Variants in ZNF316 observed in about 807,000 individuals in gnomAD.
The protein encoded by ZNF316 is zinc finger protein 316.
ZNF316 carries 23 observed loss-of-function variants against 75.6 expected under a neutral mutation model. The observed-to-expected ratio is 0.30, with a 90% CI of 0.22 to 0.43. ZNF316 has a LOEUF of 0.43. ZNF316 is among the 20% of genes least tolerant of loss of function. ZNF316 has a pLI of 1.00. For synonymous variants in ZNF316, 827 were observed against 666.2 expected, an observed-to-expected ratio of 1.24 and a Z score of -3.72; for missense variants, 1,266 against 1,409.4, an observed-to-expected ratio of 0.90 and a Z score of 1.63.
chr7:6,646,416 T>C (rs1406184954), intron 8 of ZNF316, among the ~76,000 whole-genome samples: 1 of 152,196 alleles, frequency 6.6e-6, no homozygotes, highest in Non-Finnish European at 1.5e-5. Flanking sequence ...GCTCCTGTTC[T>C]CTGTGCCTCC....
At chr7:6,647,273 G>T (rs552351213) in intron 8 of ZNF316, among the ~76,000 whole-genome samples, 1 of 152,142 alleles carries the variant, frequency 6.6e-6, no homozygotes, top group South Asian at 2.1e-4. Flanking sequence ...AGACCTGGCA[G>T]CCTGGCCAAG....
At position 6,652,036 on chromosome 7, in the gene ZNF316, C is replaced by T. The variant is rs569891457; in HGVS notation, c.707-267C>T. On this transcript the variant is annotated intron_variant, in intron 8 of 8. Coordinates refer to ENST00000382252, the MANE Select transcript of ZNF316 (RefSeq NM_001278559.2). ...CTGGAAGAGATGTTGGACGGGAGCCCTGGCTTTCCTGGGAGGGACAGTTTC... is the reference window on the plus strand; with the variant it reads ...CTGGAAGAGATGTTGGACGGGAGCCTTGGCTTTCCTGGGAGGGACAGTTTC... Among the ~76,000 whole-genome samples, 354 of 152,312 alleles carry T rather than the reference C, an allele frequency of 2.3e-3. 1 individual carries two copies. Among genetic ancestry groups the T allele is most frequent in the Non-Finnish European group, 3.6e-3 (246 of 68,016 alleles).
At chr7:6,650,508 C>T (rs942988081) in intron 8 of ZNF316, among the ~76,000 whole-genome samples, 9 of 152,130 alleles carry the variant, frequency 5.9e-5, no homozygotes, top group Non-Finnish European at 1.0e-4. Context: ...TGTTTTCCTG[C>T]GGCTCTAGGT....
Position 6,643,949 on chromosome 7 carries a change from G to T in ZNF316, c.592+1G>T. ...AACTATGGGATTCTCGTGTCCTTGG[G>T]TAAGGACGGGACCTTTTGTCCCCAA... On this transcript the variant is annotated splice_donor_variant, in intron 7 of 8. Coordinates refer to ENST00000382252, the MANE Select transcript of ZNF316 (RefSeq NM_001278559.2). LOFTEE classifies it high-confidence loss of function. 2 of 1,232,598 alleles carry T rather than the reference G, an allele frequency of 1.6e-6. No individual in the cohort carries two copies. The highest frequency in any genetic ancestry group is 2.0e-6 in the Non-Finnish European group (2 of 988,238). The allele number at this position is 1,232,598 out of a possible 1,614,324, so 76.4% of individuals were successfully genotyped here.
rs1336693556 is a variant in ZNF316 at position 6,654,568 on chromosome 7, C to T, written c.2972C>T (p.Ala991Val). The stretch of plus-strand genomic sequence containing the variant: ...AGCTTCGGCTCCGAGCACCAGGCCG[C>T]GTTCGCCGGGCCCTCGGGCGCCTAC... Reference protein sequence around the residue: ...GTSFGSEHQAAFAGPSGAYRE... With the variant: ...GTSFGSEHQAVFAGPSGAYRE... The change falls in exon 9 of 9, where the codon GCG becomes GTG. Residue 991 changes from alanine to valine, a missense_variant. Physicochemically the swap from Ala to Val is moderately conservative, Grantham distance 64. Coordinates refer to ENST00000382252, the MANE Select transcript of ZNF316 (RefSeq NM_001278559.2). The T allele has an allele frequency of 1.7e-6, 2 of 1,187,766 alleles. No individual in the cohort carries two copies. Among genetic ancestry groups the T allele is most frequent in the Non-Finnish European group, 2.1e-6 (2 of 959,826 alleles). The allele number at this position is 1,187,766 out of a possible 1,614,324, so 73.6% of individuals were successfully genotyped here.
At chr7:6,648,615 GA>G (rs1779451096) in intron 8 of ZNF316, among the ~76,000 whole-genome samples, 1 of 152,208 alleles carries the variant, frequency 6.6e-6, no homozygotes, top group African/African-American at 2.4e-5. Flanking sequence ...TTACAGATGG[GA>G]AAACTCAGAT....
intron 8 of ZNF316, among the ~76,000 whole-genome samples, chr7:6,646,175 G>A (rs972682877): frequency 1.2e-4 from 18 of 152,172 alleles, no homozygotes; most frequent in African/African-American, 3.9e-4. Flanking sequence ...AACTATCATT[G>A]AGGCCTGCCA....
Position 6,642,993 on chromosome 7 carries a change from C to T in ZNF316, c.385C>T (p.Pro129Ser). ...GCAGGCCTCCCGGGCTCCAGCCACT[C>T]CTAGGGATGAGGACCTGGAGGAGGA... ...GLQASRAPAT[P>S]RDEDLEEEEE... Residue 129 changes from proline to serine, a missense_variant, in exon 6 of 9, where the codon CCT becomes TCT. By Grantham distance (74) the Pro-to-Ser change is moderately conservative. Around this residue, in one of 3 missense-constraint regions of ZNF316, gnomAD observed 961 missense variants for 990.9 expected, o/e 0.97. Coordinates refer to ENST00000382252, the MANE Select transcript of ZNF316 (RefSeq NM_001278559.2). The surrounding 1 kb of genome is among the most constrained non-coding windows in gnomAD (Gnocchi z 8.1). The T allele has an allele frequency of 2.4e-6, 3 of 1,231,806 alleles. No homozygotes were observed. The highest frequency in any genetic ancestry group is 3.0e-6 in the Non-Finnish European group (3 of 988,106). 76.3% of individuals were successfully genotyped at this position (1,231,806 alleles called of 1,614,324 possible). A position where few individuals can be genotyped will look rare whatever the true frequency, so the allele number is the denominator to read the frequency against.
Position 6,643,957 on chromosome 7 carries a change from G to C in ZNF316, c.592+9G>C. On this transcript the variant is annotated intron_variant, in intron 7 of 8. Transcript: ENST00000382252. ...GATTCTCGTGTCCTTGGGTAAGGAC[G>C]GGACCTTTTGTCCCCAAGAGGCAGC... The C allele has an allele frequency of 8.1e-7, 1 of 1,232,392 alleles. No individual in the cohort carries two copies. Among genetic ancestry groups the C allele is most frequent in the Non-Finnish European group, 1.0e-6 (1 of 988,124 alleles). 76.3% of individuals were successfully genotyped at this position (1,232,392 alleles called of 1,614,324 possible).
chr7:6,639,038 G>T lies in ZNF316; in HGVS notation c.-266-4G>T, dbSNP rs1779268719. 2.0e-5 allele frequency: 3 copies of T among 152,306 alleles called. No homozygotes were observed. The highest frequency in any genetic ancestry group is 2.0e-4 in the Admixed American group (3 of 15,286). 9.4% of individuals were successfully genotyped at this position (152,306 alleles called of 1,614,324 possible). ...ATGTCTGGCTGTGCTTCTGACCTCT[G>T]TAGGAGCTGGTCCTCCACCTTCTCT... On this transcript the variant is annotated splice_region_variant and splice_polypyrimidine_tract_variant and intron_variant, in intron 2 of 8. Transcript: ENST00000382252. The surrounding 1 kb of genome is among the most constrained non-coding windows in gnomAD (Gnocchi z 4.2).
In ZNF316 at chr7:6,642,821, C is replaced by G; in HGVS notation, c.355+57C>G. ...TGAAGGGGGCTGAGGTGGGCCAGGCCAGGGACCTGGTCAAGCCAGGAGGGC... is the reference window on the plus strand; with the variant it reads ...TGAAGGGGGCTGAGGTGGGCCAGGCGAGGGACCTGGTCAAGCCAGGAGGGC... On this transcript the variant is annotated intron_variant, in intron 5 of 8. Transcript: ENST00000382252. This position sits in a 1 kb window ranked among gnomAD's most constrained non-coding sequence, Gnocchi z 8.1. The G allele has an allele frequency of 1.6e-6, 2 of 1,232,280 alleles. No homozygotes were observed. The highest frequency in any genetic ancestry group is 2.0e-6 in the Non-Finnish European group (2 of 988,054). The allele number at this position is 1,232,280 out of a possible 1,614,324, so 76.3% of individuals were successfully genotyped here. A position where few individuals can be genotyped will look rare whatever the true frequency, so the allele number is the denominator to read the frequency against.
chr7:6,648,960 A>G (rs981488047), intron 8 of ZNF316, among the ~76,000 whole-genome samples: 4 of 152,112 alleles, frequency 2.6e-5, no homozygotes, highest in Non-Finnish European at 5.9e-5. Flanking sequence ...CGTTCCTGTG[A>G]CAGCCCCAGC....
chr7:6,651,337 C>T (rs1779503590), intron 8 of ZNF316, among the ~76,000 whole-genome samples: 2 of 145,460 alleles, frequency 1.4e-5, no homozygotes, highest in African/African-American at 5.1e-5. Flanking sequence ...GCAACGAGCT[C>T]AATTCCGTCT....
intron 8 of ZNF316, among the ~76,000 whole-genome samples, chr7:6,651,085 C>T (rs991629649): frequency 6.6e-6 from 1 of 152,170 alleles, no homozygotes; most frequent in South Asian, 2.1e-4. Flanking sequence ...CACGGTGGCT[C>T]ACCCCTGTAA....
Position 6,642,628 on chromosome 7 carries a change from C to T in ZNF316, c.219C>T (p.Ala73=), listed in dbSNP as rs1779330469. Residue 73 remains alanine (A), a synonymous_variant, in exon 5 of 9, where the codon GCC becomes GCT. Transcript: ENST00000382252. The surrounding 1 kb of genome is among the most constrained non-coding windows in gnomAD (Gnocchi z 8.1). ...VVQDAQVEAV[A]EVEVEADVEE... ...AGGATGCGCAGGTGGAGGCGGTGGC[C>T]GAGGTGGAGGTGGAGGCGGACGTGG... is the stretch of plus-strand genomic sequence containing the variant. 1.6e-6 allele frequency: 2 copies of T among 1,232,088 alleles called. No individual in the cohort carries two copies. Among genetic ancestry groups the T allele is most frequent in the East Asian group, 3.1e-5 (1 of 31,782 alleles). The allele number at this position is 1,232,088 out of a possible 1,614,324, so 76.3% of individuals were successfully genotyped here.
At chr7:6,644,003 G>T in intron 7 of ZNF316, 55 bp downstream of exon 7, 1 of 1,230,506 alleles carries the variant, frequency 8.1e-7, no homozygotes, top group African/African-American at 1.6e-5. Context: ...GGCTGCCAGG[G>T]TCTTAGCTGT....
At chr7:6,645,588 G>A (rs990538579) in intron 8 of ZNF316, among the ~76,000 whole-genome samples, 3 of 151,770 alleles carry the variant, frequency 2.0e-5, no homozygotes, top group African/African-American at 7.3e-5. Context: ...GGAGGCTGTG[G>A]CAGGAGAATG....
intron 2 of ZNF316, among the ~76,000 whole-genome samples, chr7:6,638,795 G>A (rs930920643): frequency 1.3e-5 from 2 of 152,174 alleles, no homozygotes; most frequent in African/African-American, 2.4e-5. Flanking sequence ...TGGGATTGAT[G>A]CTGATGAGAC....
Position 6,653,729 on chromosome 7 carries a change from C to A in ZNF316, c.2133C>A (p.Arg711=), listed in dbSNP as rs1167224798. ...GRRAALAKHQ[R]YHAGERPHRC... The stretch of plus-strand genomic sequence containing the variant: ...GGGCCGCGCTGGCCAAGCACCAGCG[C>A]TACCACGCGGGCGAGCGGCCGCATC... The change falls in exon 9 of 9, where the codon CGC becomes CGA. Residue 711 remains arginine (R), a synonymous_variant. Coordinates refer to ENST00000382252, the MANE Select transcript of ZNF316 (RefSeq NM_001278559.2). The A allele has an allele frequency of 6.4e-6, 7 of 1,100,400 alleles. No individual in the cohort carries two copies. The highest frequency in any genetic ancestry group is 7.8e-6 in the Non-Finnish European group (7 of 902,328). The allele number at this position is 1,100,400 out of a possible 1,614,324, so 68.2% of individuals were successfully genotyped here. A position where few individuals can be genotyped will look rare whatever the true frequency, so the allele number is the denominator to read the frequency against.
Sources: allele counts gnomAD v4.1 joint callset (sites outside exome capture counted in the v4.1 genomes callset), GRCh38; gene constraint gnomAD v4.1.1; regional missense constraint gnomAD v4.1.1; non-coding constraint Gnocchi (gnomAD v3.1); transcripts MANE v1.5; gene names NCBI Gene and HGNC (gene_info 2026-07-23, HGNC 2026-07-21).